SIPA1: variants seen among roughly 807,000 people sequenced by gnomAD.
SIPA1 encodes signal-induced proliferation-associated 1.
Under a neutral mutation model 88.1 loss-of-function variants are expected in SIPA1, and 51 were observed. The observed-to-expected ratio is 0.58, with a 90% CI of 0.46 to 0.73. SIPA1 has a LOEUF of 0.73. SIPA1 is among the 30% of genes least tolerant of loss of function. The pLI is 0.00. For synonymous variants in SIPA1, 681 were observed against 664.8 expected, an observed-to-expected ratio of 1.02 and a Z score of -0.37; for missense variants, 1,348 against 1,467.6, an observed-to-expected ratio of 0.92 and a Z score of 1.33.
rs1458120036 is a variant in SIPA1 at position 65,642,434 on chromosome 11, T to C, written c.808-29T>C. The C allele has an allele frequency of 5.0e-6, 8 of 1,605,612 alleles. No individual in the cohort carries two copies. Among genetic ancestry groups the C allele is most frequent in the Non-Finnish European group, 6.8e-6 (8 of 1,175,656 alleles). On this transcript the variant is annotated intron_variant, in intron 3 of 15. Coordinates refer to ENST00000534313, the MANE Select transcript of SIPA1 (RefSeq NM_006747.4). This position sits in a 1 kb window ranked among gnomAD's most constrained non-coding sequence, Gnocchi z 6.5. ...TTGCCTCCCCGACACCTTGTATGCA[T>C]CCTGAGTGCCCTTACACCCCTTCCT...
chr11:65,640,659 G>A, intron 1 of SIPA1, 172 bp from the exon 2 acceptor site: 2 of 445,800 alleles, frequency 4.5e-6, no homozygotes, highest in Non-Finnish European at 7.9e-6. Context: ...AAGCTGGGGA[G>A]GGGGCTGGAA....
rs910479749 is a variant in SIPA1 at position 65,640,832 on chromosome 11, G to A, written c.-90G>A. On this transcript the variant is annotated splice_region_variant and 5_prime_UTR_variant, in exon 2 of 16. Coordinates refer to ENST00000534313, the MANE Select transcript of SIPA1 (RefSeq NM_006747.4). ...CTGAGCAGCCCCCTCCTCCTTCAGG[G>A]CAGGAACTGCTGCCACAACCTCAGG... The A allele has an allele frequency of 3.3e-6, 4 of 1,218,600 alleles. No individual in the cohort carries two copies. In the Admixed American group the frequency reaches 1.2e-4, roughly 37 times the overall value. 75.5% of individuals were successfully genotyped at this position (1,218,600 alleles called of 1,614,324 possible). A position where few individuals can be genotyped will look rare whatever the true frequency, so the allele number is the denominator to read the frequency against.
chr11:65,638,400 C>T (rs1197360163), intron 1 of SIPA1: 2 of 152,726 alleles, frequency 1.3e-5, no homozygotes, highest in African/African-American at 2.4e-5. Flanking sequence ...TGTGTGACGG[C>T]TTAGCCTGGC....
At chr11:65,640,483 C>T (rs908975523) in intron 1 of SIPA1, among the ~76,000 whole-genome samples, 17 of 152,242 alleles carry the variant, frequency 1.1e-4, no homozygotes, top group African/African-American at 3.6e-4. Flanking sequence ...CAATACAAGT[C>T]ATCTGTCCGG....
At chr11:65,643,148 C>T (rs1443413313) in intron 4 of SIPA1, among the ~76,000 whole-genome samples, 1 of 152,166 alleles carries the variant, frequency 6.6e-6, no homozygotes, top group Non-Finnish European at 1.5e-5. Flanking sequence ...AACTCCTGAC[C>T]TTGTGATCTG....
At chr11:65,641,701 G>A in intron 2 of SIPA1, 101 bp downstream of exon 2, 4 of 1,134,452 alleles carry the variant, frequency 3.5e-6, no homozygotes, top group Non-Finnish European at 4.9e-6. Flanking sequence ...TCCATTTCCT[G>A]TAAAGTCCCT....
intron 1 of SIPA1, chr11:65,639,724 A>G (rs1681305565): frequency 6.6e-6 from 1 of 152,048 alleles, no homozygotes; most frequent in Admixed American, 6.6e-5. Context: ...TCACACCACC[A>G]TTTGCACCTG....
At position 65,645,127 on chromosome 11, in the gene SIPA1, A is replaced by C. The variant is rs1294599377; in HGVS notation, c.1157A>C (p.Lys386Thr). Residue 386 changes from lysine to threonine, a missense_variant and splice_region_variant, in exon 5 of 16, where the codon AAA becomes ACA. Around this residue, in one of 4 missense-constraint regions of SIPA1, gnomAD observed 641 missense variants for 797.7 expected, o/e 0.80. Coordinates refer to ENST00000534313, the MANE Select transcript of SIPA1 (RefSeq NM_006747.4). The part of the protein sequence containing the change: ...FESYRAQLDT[K>T]TDSTGTHSLY... ...AGTTACCGGGCCCAGCTAGACACCA[A>C]AAGTGAGGCCCAGGGGCAGGAGGGG... 1.2e-6 allele frequency: 2 copies of C among 1,613,166 alleles called. No homozygotes were observed. Among genetic ancestry groups the C allele is most frequent in the Non-Finnish European group, 1.7e-6 (2 of 1,179,442 alleles).
In SIPA1 at chr11:65,646,522, C is replaced by T. The variant is rs749707874; in HGVS notation, c.1488C>T (p.Pro496=). 4.5e-6 allele frequency: 7 copies of T among 1,570,422 alleles called. No homozygotes were observed. In the South Asian group the frequency reaches 6.8e-5, roughly 15 times the overall value. The part of the protein sequence containing the change: ...FGPALPAGGG[P]FAANADFRAF... ...CAGCTCTGCCTGCTGGCGGAGGCCC[C>T]TTCGCAGCCAACGCCGACTTCCGGG... The change falls in exon 8 of 16, where the codon CCC becomes CCT. Residue 496 remains proline, a synonymous_variant. Coordinates refer to ENST00000534313, the MANE Select transcript of SIPA1 (RefSeq NM_006747.4). The surrounding 1 kb of genome is among the most constrained non-coding windows in gnomAD (Gnocchi z 7.5).
chr11:65,644,122 C>G (rs1856060783), intron 4 of SIPA1, among the ~76,000 whole-genome samples: 1 of 151,470 alleles, frequency 6.6e-6, no homozygotes, highest in South Asian at 2.1e-4. Context: ...GGAGGAGGAG[C>G]AGGGTGGGGG....
Position 65,641,127 on chromosome 11 carries a change from G to C in SIPA1, c.206G>C (p.Arg69Pro). The change falls in exon 2 of 16, where the codon CGT (arginine) becomes CCT (proline). Residue 69 changes from arginine to proline, a missense_variant. By Grantham distance (103) the Arg-to-Pro change is moderately radical. Transcript: ENST00000534313. ...EARPPTPASP[R>P]ARAHSHEEAS... is the part of the protein sequence containing the mutation. ...AGGCCCCCCACGCCAGCCAGCCCCC[G>C]TGCCCGTGCCCACAGCCACGAAGAG... The C allele has an allele frequency of 2.5e-6, 4 of 1,602,634 alleles. No individual in the cohort carries two copies. The highest frequency in any genetic ancestry group is 2.2e-5 in the South Asian group (2 of 90,994).
intron 9 of SIPA1, among the ~76,000 whole-genome samples, chr11:65,648,991 G>C (rs1185624958): frequency 6.6e-6 from 1 of 152,168 alleles, no homozygotes; most frequent in Non-Finnish European, 1.5e-5. Flanking sequence ...AATCCTCACA[G>C]CACACTATGA....
chr11:65,646,006 G>C lies in SIPA1; in HGVS notation c.1263+49G>C. 7.1e-7 allele frequency: 1 copy of C among 1,409,300 alleles called. No homozygotes were observed. Among genetic ancestry groups the C allele is most frequent in the Non-Finnish European group, 9.9e-7 (1 of 1,009,332 alleles). The allele number at this position is 1,409,300 out of a possible 1,614,324, so 87.3% of individuals were successfully genotyped here. On this transcript the variant is annotated intron_variant, in intron 6 of 15. Coordinates refer to ENST00000534313, the MANE Select transcript of SIPA1 (RefSeq NM_006747.4). This position sits in a 1 kb window ranked among gnomAD's most constrained non-coding sequence, Gnocchi z 7.5. ...GTGGGGCTTCCGGGAACCATGGAGG[G>C]CCCTGCATGGCCCATGACGTTTGAG...
In SIPA1 at chr11:65,649,497, T is replaced by C; in HGVS notation, c.2525+17T>C. The C allele has an allele frequency of 6.2e-7, 1 of 1,613,678 alleles. No homozygotes were observed. Among genetic ancestry groups the C allele is most frequent in the Non-Finnish European group, 8.5e-7 (1 of 1,179,656 alleles). On this transcript the variant is annotated intron_variant, in intron 10 of 15. Coordinates refer to ENST00000534313, the MANE Select transcript of SIPA1 (RefSeq NM_006747.4). Reference sequence around the variant, plus strand: ...ACCACGCAGGTGCACACTCTTGGCCTTCCCTCTCCTCCAGGCCTCTGGGAA... The same window carrying C: ...ACCACGCAGGTGCACACTCTTGGCCCTCCCTCTCCTCCAGGCCTCTGGGAA...
At chr11:65,644,343 G>A (rs532514706) in intron 4 of SIPA1, among the ~76,000 whole-genome samples, 1 of 151,760 alleles carries the variant, frequency 6.6e-6, no homozygotes, top group East Asian at 1.9e-4. Context: ...TGCCACCTAT[G>A]GCTGAGAGGG....
At position 65,649,741 on chromosome 11, in the gene SIPA1, C is replaced by A. The variant is rs779460998; in HGVS notation, c.2638-16C>A. 6.2e-7 allele frequency: 1 copy of A among 1,614,042 alleles called. No individual in the cohort carries two copies. Among genetic ancestry groups the A allele is most frequent in the Admixed American group, 1.7e-5 (1 of 60,030 alleles). On this transcript the variant is annotated splice_polypyrimidine_tract_variant and intron_variant, in intron 11 of 15. Transcript: ENST00000534313. ...CAGTGGGCATCACTGAATCTGTATC[C>A]ACTTCTGTGGCACAGGACAGGCCAG...
At chr11:65,648,989 C>A (rs1472816600) in intron 9 of SIPA1, among the ~76,000 whole-genome samples, 1 of 152,204 alleles carries the variant, frequency 6.6e-6, no homozygotes, top group Non-Finnish European at 1.5e-5. Context: ...TAAATCCTCA[C>A]AGCACACTAT....
At chr11:65,647,130 C>T in intron 8 of SIPA1, 65 bp downstream of exon 8, 1 of 1,423,280 alleles carries the variant, frequency 7.0e-7, no homozygotes, top group East Asian at 2.7e-5. Context: ...TGGACCCCTC[C>T]CTCCCGCCGC....
chr11:65,638,972 A>G (rs577439492), intron 1 of SIPA1, among the ~76,000 whole-genome samples: 1 of 152,288 alleles, frequency 6.6e-6, no homozygotes, highest in Non-Finnish European at 1.5e-5. Context: ...CCCAGGCCCG[A>G]GCGCTGAATG....
Sources: gnomAD v4.1 joint callset for allele counts (sites outside exome capture counted in the v4.1 genomes callset) on GRCh38, gnomAD v4.1.1 for gene constraint, gnomAD v4.1.1 regional missense constraint, Gnocchi (gnomAD v3.1) non-coding constraint, MANE v1.5 for transcripts, NCBI Gene and HGNC (gene_info 2026-07-23, HGNC 2026-07-21) for gene names.